Variants in PMPCA observed in about 807,000 individuals in gnomAD.
The protein encoded by PMPCA is mitochondrial-processing peptidase subunit alpha.
Under a neutral mutation model 59.3 loss-of-function variants are expected in PMPCA, and 47 were observed. The ratio of observed to expected loss-of-function variants is 0.79; its 90% CI spans 0.63 to 1.01. The LOEUF (loss-of-function observed/expected upper bound fraction) is 1.01. PMPCA is among the 50% of genes least tolerant of loss of function. The probability of loss-of-function intolerance (pLI) is 0.00; values close to 1 mark genes in which losing one functional copy is unlikely to be tolerated. For missense variants in PMPCA, 726 were observed against 704.5 expected (o/e 1.03, Z -0.34); for synonymous variants, 338 against 290.3 (o/e 1.16, Z -1.67).
Position 136,421,925 on chromosome 9 carries a change from G to T in PMPCA, c.1357G>T (p.Val453Leu). Residue 453 changes from valine to leucine, a missense_variant, in exon 12 of 13, where the codon GTG becomes TTG. Val to Leu is a conservative substitution (Grantham distance 32). Coordinates refer to ENST00000371717, the MANE Select transcript of PMPCA (RefSeq NM_015160.3). ...GATCTTCGAGGATGTGGGGAGGCAG[G>T]TGCTGGCCACTCGCTCCAGAAAGCT... ...PVIFEDVGRQ[V>L]LATRSRKLPH... 1 of 1,612,594 alleles carries T rather than the reference G, an allele frequency of 6.2e-7. No homozygotes were observed. Among genetic ancestry groups the T allele is most frequent in the Non-Finnish European group, 8.5e-7 (1 of 1,179,858 alleles).
chr9:136,422,033 G>GGCCGTCTC (rs775662643), intron 12 of PMPCA, 57 bp downstream of exon 12: 220 of 1,561,748 alleles, frequency 1.4e-4, no homozygotes, highest in Admixed American at 9.5e-4. Context: ...GCTCAGAGGA[G>GGCCGTCTC]GCCGTCTCGC....
rs1459460411 is a variant in PMPCA, at chr9:136,412,043, C to T, written c.118C>T (p.Pro40Ser). 6.2e-7 allele frequency: 1 copy of T among 1,613,282 alleles called. No homozygotes were observed. The highest frequency in any genetic ancestry group is 8.5e-7 in the Non-Finnish European group (1 of 1,179,272). The change falls in exon 2 of 13, where the codon CCC (proline) becomes TCC (serine). Residue 40 changes from proline (P) to serine (S), a missense_variant. By Grantham distance (74) the Pro-to-Ser change is moderately conservative. Coordinates refer to ENST00000371717, the MANE Select transcript of PMPCA (RefSeq NM_015160.3). ...ACGGTTTAGTAGTGGTGGTGCCTAT[C>T]CCAACATCCCCCTCTCTTCTCCCTT... ...YRRFSSGGAY[P>S]NIPLSSPLPG... is the part of the protein sequence containing the mutation.
Position 136,423,565 on chromosome 9 carries a change from C to T in PMPCA, c.*301C>T, listed in dbSNP as rs995694746. On this transcript the variant is annotated 3_prime_UTR_variant, in exon 13 of 13. Coordinates refer to ENST00000371717, the MANE Select transcript of PMPCA (RefSeq NM_015160.3). ...CTCGGGCTGTGGGCACATGGGGCCC[C>T]GCAGGTTCCTTGGAGGAGCCCTGAG... is the stretch of plus-strand genomic sequence containing the variant. 5.0e-5 allele frequency: 17 copies of T among 341,398 alleles called. No homozygotes were observed. The highest frequency in any genetic ancestry group is 2.3e-4 in the African/African-American group (11 of 48,484). The allele number at this position is 341,398 out of a possible 1,614,324, so 21.1% of individuals were successfully genotyped here.
At chr9:136,412,684 AAAGACTT>A (rs1835168372) in intron 3 of PMPCA, 115 bp downstream of exon 3, 2 of 794,004 alleles carry the variant, frequency 2.5e-6, no homozygotes, top group Non-Finnish European at 4.3e-6. Flanking sequence ...AATGTTAATA[AAAGACTT>A]TTAAGTTAAA....
chr9:136,419,406 T>G (rs1158432256), intron 11 of PMPCA: 1 of 513,224 alleles, frequency 1.9e-6, no homozygotes, highest in East Asian at 3.4e-5. Context: ...GTCGTGGGAC[T>G]GACCATGTGA....
intron 12 of PMPCA, 195 bp downstream of exon 12, chr9:136,422,171 G>C (rs775642967): frequency 6.6e-7 from 1 of 1,525,642 alleles, no homozygotes. Context: ...CTCACTTCCC[G>C]GCCCCACCAT....
At chr9:136,422,227 G>A in intron 12 of PMPCA, 3 of 1,444,098 alleles carry the variant, frequency 2.1e-6, no homozygotes, top group Non-Finnish European at 1.8e-6. Context: ...CTGCACCCCT[G>A]GGAGGGGCTG....
chr9:136,413,680 G>A (rs889594919), intron 4 of PMPCA, among the ~76,000 whole-genome samples: 1 of 152,016 alleles, frequency 6.6e-6, no homozygotes, highest in Non-Finnish European at 1.5e-5. Flanking sequence ...CTCTTGCCTC[G>A]AATCTCACTC....
At chr9:136,413,576 G>A (rs919471985) in intron 4 of PMPCA, among the ~76,000 whole-genome samples, 2 of 152,122 alleles carry the variant, frequency 1.3e-5, no homozygotes, top group African/African-American at 4.8e-5. Flanking sequence ...TAGCTTGGAG[G>A]TAACATATTC....
chr9:136,417,269 G>A (rs541637523), intron 7 of PMPCA, 55 bp downstream of exon 7: 38 of 1,456,246 alleles, frequency 2.6e-5, no homozygotes, highest in African/African-American at 1.4e-4. Flanking sequence ...CCCCTGGCCC[G>A]TGGTGTGACC....
At chr9:136,417,567 G>C (rs1364926358) in intron 7 of PMPCA, among the ~76,000 whole-genome samples, 2 of 151,638 alleles carry the variant, frequency 1.3e-5, no homozygotes, top group South Asian at 2.1e-4. Context: ...CCACCTCCCA[G>C]GTTCAAGTGA....
chr9:136,418,847 G>T lies in PMPCA; in HGVS notation c.1129G>T (p.Ala377Ser), dbSNP rs753611141. The change falls in exon 10 of 13, where the codon GCG becomes TCG. Residue 377 changes from alanine to serine, a missense_variant. By Grantham distance (99) the Ala-to-Ser change is moderately conservative (BLOSUM62 1). Coordinates refer to ENST00000371717, the MANE Select transcript of PMPCA (RefSeq NM_015160.3). ...VLNRHHWMYNATSYHHSYEDT... is the reference protein window; with the variant it reads ...VLNRHHWMYNSTSYHHSYEDT... ...TCCCAGGCACCACTGGATGTATAAC[G>T]CGACCTCCTACCACCACAGCTACGA... The T allele has an allele frequency of 3.7e-6, 6 of 1,612,604 alleles. No individual in the cohort carries two copies. The African/African-American group carries it at 8.0e-5, about 22-fold the overall frequency.
rs1353572946 is a variant in PMPCA, at chr9:136,416,287, G to A, written c.533-4G>A. ...TCAGCCCTGGCCTTTGGGTTCTCTT[G>A]CAGATGAAGAAGTCGAGATGACGCG... is the stretch of plus-strand genomic sequence containing the variant. On this transcript the variant is annotated splice_region_variant and splice_polypyrimidine_tract_variant and intron_variant, in intron 5 of 12. Coordinates refer to ENST00000371717, the MANE Select transcript of PMPCA (RefSeq NM_015160.3). 1 of 1,610,586 alleles carries A rather than the reference G, an allele frequency of 6.2e-7. No homozygotes were observed. The highest frequency in any genetic ancestry group is 1.3e-5 in the African/African-American group (1 of 74,974).
At chr9:136,414,694 A>G (rs765970944) in intron 5 of PMPCA, 47 bp downstream of exon 5, 1 of 1,228,686 alleles carries the variant, frequency 8.1e-7, no homozygotes, top group Admixed American at 1.7e-5. Context: ...GGACATAGGG[A>G]AGACCGGAAA....
intron 5 of PMPCA, 80 bp downstream of exon 5, chr9:136,414,727 A>C (rs1429261535): frequency 2.4e-6 from 2 of 850,430 alleles, no homozygotes; most frequent in African/African-American, 3.3e-5. Flanking sequence ...CCCTGTAGCC[A>C]TGAGGGAGAG....
intron 11 of PMPCA, 80 bp downstream of exon 11, chr9:136,419,186 G>C (rs767043302): frequency 7.9e-7 from 1 of 1,271,266 alleles, no homozygotes. Context: ...GTGGCCACCT[G>C]TGGGCCTGGT....
chr9:136,419,237 G>C (rs1330813836), intron 11 of PMPCA, 131 bp downstream of exon 11: 5 of 881,734 alleles, frequency 5.7e-6, no homozygotes, highest in Non-Finnish European at 9.6e-6. Context: ...GGCAGGGCAG[G>C]GCAGGGCGGC....
At chr9:136,413,234 A>G (rs1375629787) in intron 4 of PMPCA, among the ~76,000 whole-genome samples, 1 of 152,138 alleles carries the variant, frequency 6.6e-6, no homozygotes, top group African/African-American at 2.4e-5. Flanking sequence ...CTTGGTCTGG[A>G]GTTGGGAAAG....
Position 136,421,813 on chromosome 9 carries a change from G to T in PMPCA, c.1264-19G>T, listed in dbSNP as rs1240309842. 1.3e-6 allele frequency: 2 copies of T among 1,573,120 alleles called. No homozygotes were observed. The highest frequency in any genetic ancestry group is 2.3e-5 in the East Asian group (1 of 44,372). Reference sequence around the variant, plus strand: ...GCACGGGGCGGGTGTGTGCTCACCTGACTGGACCCTGGCCCCAGGTGGAGC... The same window carrying T: ...GCACGGGGCGGGTGTGTGCTCACCTTACTGGACCCTGGCCCCAGGTGGAGC... On this transcript the variant is annotated intron_variant, in intron 11 of 12. Coordinates refer to ENST00000371717, the MANE Select transcript of PMPCA (RefSeq NM_015160.3).
Sources: gnomAD v4.1 joint callset for allele counts (sites outside exome capture counted in the v4.1 genomes callset) on GRCh38, gnomAD v4.1.1 for gene constraint, MANE v1.5 for transcripts, NCBI Gene and HGNC (gene_info 2026-07-23, HGNC 2026-07-21) for gene names.